The following DSC1 variants were observed in gnomAD, a reference collection of about 807,000 sequenced individuals.
DSC1 encodes the protein desmocollin-1.
Under a neutral mutation model 98.8 loss-of-function variants are expected in DSC1, and 79 were observed. The observed-to-expected ratio is 0.80, with a 90% CI of 0.67 to 0.96. DSC1 has a LOEUF of 0.96. DSC1 is among the 50% of genes least tolerant of loss of function. The pLI is 0.00. For missense variants in DSC1, 1,115 were observed against 1,075.9 expected (o/e 1.04, Z -0.51); for synonymous variants, 405 against 372.1 (o/e 1.09, Z -1.02).
Position 31,141,988 on chromosome 18 carries a change from T to C in DSC1, c.1260+11A>G, listed in dbSNP as rs200073087. The C allele has an allele frequency of 1.9e-6, 3 of 1,590,990 alleles. No homozygotes were observed. The highest frequency in any genetic ancestry group is 3.8e-5 in the Admixed American group (2 of 52,226). On this transcript the variant is annotated intron_variant, in intron 9 of 15. Coordinates refer to ENST00000257198, the MANE Select transcript of DSC1 (RefSeq NM_024421.2). ...ATTTTAAAGCATAGCCTGATTATTTTATTTGTTTACCTTGACAACACACAG... is the reference window on the plus strand; with the variant it reads ...ATTTTAAAGCATAGCCTGATTATTTCATTTGTTTACCTTGACAACACACAG...
At chr18:31,141,803 G>A (rs1033468694) in intron 9 of DSC1, among the ~76,000 whole-genome samples, 196 bp downstream of exon 9, 2 of 152,076 alleles carry the variant, frequency 1.3e-5, no homozygotes, top group Non-Finnish European at 2.9e-5. Flanking sequence ...AATGAGTTTT[G>A]TACCTGACAT....
At position 31,154,774 on chromosome 18, in the gene DSC1, C is replaced by A. The variant is rs747312748; in HGVS notation, c.627G>T (p.Ala209=). ...TGAATAAATATTTCAATAATCCTAC[C>A]GCAAACTGTTCATATTTCTCACGGT... ...SIDREKYEQF[A]LYGYATTADG... The change falls in exon 5 of 16, where the codon GCG becomes GCT. Residue 209 remains alanine (A), a splice_region_variant and synonymous_variant. Coordinates refer to ENST00000257198, the MANE Select transcript of DSC1 (RefSeq NM_024421.2). The A allele has an allele frequency of 1.9e-6, 3 of 1,605,472 alleles. No individual in the cohort carries two copies. Among genetic ancestry groups the A allele is most frequent in the Non-Finnish European group, 1.7e-6 (2 of 1,175,850 alleles).
rs1321390047 is a variant in DSC1 at position 31,140,067 on chromosome 18, C to G, written c.1495G>C (p.Glu499Gln). The G allele has an allele frequency of 4.3e-6, 7 of 1,613,844 alleles. No individual in the cohort carries two copies. The highest frequency in any genetic ancestry group is 5.9e-6 in the Non-Finnish European group (7 of 1,179,928). The change falls in exon 10 of 16, where the codon GAA (glutamate) becomes CAA (glutamine). Residue 499 changes from glutamate (E) to glutamine (Q), a missense_variant. Glu to Gln is a conservative substitution (Grantham distance 29). Transcript: ENST00000257198. ...CTTAAGCCTTCACCACTGGATATTT[C>G]CGGGTCCAGTGCTTTGTATCCAAGG... ...ELLGYKALDP[E>Q]ISSGEGLRYQ...
At chr18:31,152,637 T>C (rs956709818) in intron 5 of DSC1, among the ~76,000 whole-genome samples, 1 of 152,076 alleles carries the variant, frequency 6.6e-6, no homozygotes, top group African/African-American at 2.4e-5. Flanking sequence ...AGAACACTAC[T>C]GAGGTTGGGA....
chr18:31,149,805 C>A (rs1259873377), intron 5 of DSC1, among the ~76,000 whole-genome samples: 1 of 152,172 alleles, frequency 6.6e-6, no homozygotes, highest in African/African-American at 2.4e-5. Flanking sequence ...ACTCCAAACT[C>A]TGGAATGGAA....
intron 10 of DSC1, 62 bp downstream of exon 10, chr18:31,139,980 A>T (rs1988696268): frequency 1.3e-6 from 2 of 1,570,696 alleles, no homozygotes; most frequent in Admixed American, 2.0e-5. Flanking sequence ...TAAAACATTC[A>T]TAACTTTAAA....
chr18:31,161,344 G>C (rs1214844410), intron 1 of DSC1, among the ~76,000 whole-genome samples: 1 of 150,996 alleles, frequency 6.6e-6, no homozygotes, highest in Non-Finnish European at 1.5e-5. Flanking sequence ...CTGTATATGT[G>C]CGTGTGTGTA....
chr18:31,153,827 C>A (rs1989044718), intron 5 of DSC1, among the ~76,000 whole-genome samples: 2 of 151,966 alleles, frequency 1.3e-5, no homozygotes, highest in South Asian at 4.1e-4. Context: ...ACTTGTCTAC[C>A]ACTTCCCATC....
Position 31,148,597 on chromosome 18 carries a change from G to C in DSC1, c.673C>G (p.Pro225Ala), listed in dbSNP as rs1988897120. ...TCAATTTTGATGATCAAAGGGAGTG[G>C]ATATTCTGGTGCATAGCCATCTGCA... ...TTADGYAPEY[P>A]LPLIIKIEDD... Residue 225 changes from proline (P) to alanine (A), a missense_variant, in exon 6 of 16, where the codon CCA becomes GCA. By Grantham distance (27) the Pro-to-Ala change is conservative. Coordinates refer to ENST00000257198, the MANE Select transcript of DSC1 (RefSeq NM_024421.2). 2.5e-6 allele frequency: 4 copies of C among 1,608,920 alleles called. No individual in the cohort carries two copies. The highest frequency in any genetic ancestry group is 3.4e-6 in the Non-Finnish European group (4 of 1,176,348).
chr18:31,130,373 A>C lies in DSC1; in HGVS notation c.*141T>G. 6.2e-6 allele frequency: 5 copies of C among 800,510 alleles called. No individual in the cohort carries two copies. Among genetic ancestry groups the C allele is most frequent in the Non-Finnish European group, 9.9e-6 (5 of 506,330 alleles). 49.6% of individuals were successfully genotyped at this position (800,510 alleles called of 1,614,324 possible). The stretch of plus-strand genomic sequence containing the variant: ...TACCAGACAAGGAGAATGTAGGGGA[A>C]TCTCATATTTATAGTACCCTTACCT... On this transcript the variant is annotated 3_prime_UTR_variant, in exon 16 of 16. Coordinates refer to ENST00000257198, the MANE Select transcript of DSC1 (RefSeq NM_024421.2).
At position 31,131,619 on chromosome 18, in the gene DSC1, C is replaced by G; in HGVS notation, c.2462G>C (p.Ser821Thr). 1 of 1,614,062 alleles carries G rather than the reference C, an allele frequency of 6.2e-7. No homozygotes were observed. The highest frequency in any genetic ancestry group is 8.5e-7 in the Non-Finnish European group (1 of 1,179,952). The change falls in exon 15 of 16, where the codon AGT becomes ACT. Residue 821 changes from serine (S) to threonine (T), a missense_variant. By Grantham distance (58) the Ser-to-Thr change is moderately conservative (BLOSUM62 1). Transcript: ENST00000257198. ...TGRYAYTDWQ[S>T]FTQPRLGEKV... ...TTCGCCAAGCCGAGGTTGGGTGAAA[C>G]TCTGCCAGTCCGTGTACGCATATCT...
At chr18:31,145,081 A>G (rs957176636) in intron 7 of DSC1, among the ~76,000 whole-genome samples, 1 of 151,530 alleles carries the variant, frequency 6.6e-6, no homozygotes, top group Non-Finnish European at 1.5e-5. Flanking sequence ...CTGGGACTAC[A>G]GGCGCCCGCC....
rs765343882 is a variant in DSC1 at position 31,133,894 on chromosome 18, A to G, written c.2113T>C (p.Leu705=). 2.0e-5 allele frequency: 33 copies of G among 1,609,880 alleles called. No homozygotes were observed. The highest frequency in any genetic ancestry group is 3.3e-4 in the Middle Eastern group (2 of 6,056). Reference sequence around the variant, plus strand: ...TAATGATACTTAATATACTTACATAATAACAATACAGAACCCAACACCATA... The same window carrying G: ...TAATGATACTTAATATACTTACATAGTAACAATACAGAACCCAACACCATA... ...LAMVLGSVLL[L]CILFTCFCVT... is the part of the protein sequence containing the mutation. Residue 705 remains leucine (L), a synonymous_variant, in exon 13 of 16, where the codon TTA becomes CTA. Transcript: ENST00000257198.
intron 5 of DSC1, 83 bp from the exon 6 acceptor site, chr18:31,148,725 A>T: frequency 7.6e-7 from 1 of 1,322,388 alleles, no homozygotes; most frequent in South Asian, 1.9e-5. Flanking sequence ...GGGAAAATGT[A>T]ACATTAAAAA....
intron 5 of DSC1, among the ~76,000 whole-genome samples, chr18:31,151,964 C>A (rs1989007486): frequency 6.6e-6 from 1 of 152,090 alleles, no homozygotes; most frequent in African/African-American, 2.4e-5. Flanking sequence ...GAGTTTGAGA[C>A]CAGCCTGGCG....
At chr18:31,149,589 T>G (rs1212634374) in intron 5 of DSC1, among the ~76,000 whole-genome samples, 1 of 152,202 alleles carries the variant, frequency 6.6e-6, no homozygotes, top group African/African-American at 2.4e-5. Context: ...TTGCTGCAGT[T>G]GTTCTGACAT....
rs771317743 is a variant in DSC1 at position 31,140,228 on chromosome 18, G to A, written c.1334C>T (p.Ala445Val). The A allele has an allele frequency of 1.2e-6, 2 of 1,614,032 alleles. No individual in the cohort carries two copies. Among genetic ancestry groups the A allele is most frequent in the South Asian group, 1.1e-5 (1 of 91,078 alleles). ...GVINEAQFSKAASSQTPTMCT... is the reference protein window; with the variant it reads ...GVINEAQFSKVASSQTPTMCT... ...CATTGTAGGAGTTTGTGAGCTCGCT[G>A]CTTTAGAGAATTGTGCCTCGTTAAT... Residue 445 changes from alanine to valine, a missense_variant, in exon 10 of 16, where the codon GCA becomes GTA. Transcript: ENST00000257198.
intron 11 of DSC1, among the ~76,000 whole-genome samples, chr18:31,137,062 A>G (rs1272388081): frequency 1.3e-5 from 2 of 152,236 alleles, no homozygotes; most frequent in Non-Finnish European, 2.9e-5. Flanking sequence ...TAATACTTCA[A>G]CAGCAATTCT....
chr18:31,159,053 T>TTTTTTGTTTGTTTG lies in DSC1; in HGVS notation c.148+391_148+392insCAAACAAACAAAAA, dbSNP rs1166336356. On this transcript the variant is annotated intron_variant, in intron 2 of 15. Transcript: ENST00000257198. Reference sequence around the variant, plus strand: ...TTCAAGTAGCTACTATGTGGTTTTTTTTTTTTTTTTTGAGACAGAGTCTTG... The same window carrying TTTTTTGTTTGTTTG: ...TTCAAGTAGCTACTATGTGGTTTTTTTTTTTGTTTGTTTGTTTTTTTTTTTGAGACAGAGTCTTG... Among the ~76,000 whole-genome samples the TTTTTTGTTTGTTTG allele has an allele frequency of 1.2e-3, 104 of 89,706 alleles. 5 individuals are homozygous for TTTTTTGTTTGTTTG. Among genetic ancestry groups the TTTTTTGTTTGTTTG allele is most frequent in the African/African-American group, 4.1e-3 (96 of 23,548 alleles). The allele number at this position is 89,706 out of a possible 152,430, so 58.9% of individuals were successfully genotyped here.
Sources: gnomAD v4.1 joint callset for allele counts (sites outside exome capture counted in the v4.1 genomes callset) on GRCh38, gnomAD v4.1.1 for gene constraint, MANE v1.5 for transcripts, NCBI Gene and HGNC (gene_info 2026-07-23, HGNC 2026-07-21) for gene names.